CLOCK: variants seen among roughly 807,000 people sequenced by gnomAD.
CLOCK encodes the protein clock circadian regulator.
CLOCK carries 43 observed loss-of-function variants against 118.4 expected under a neutral mutation model. That is an observed-to-expected ratio of 0.36 (90% CI 0.28 to 0.47). The LOEUF (loss-of-function observed/expected upper bound fraction) is 0.47. Among genes scored for constraint, CLOCK ranks in the 20% least tolerant of loss-of-function variants. The pLI, the probability that CLOCK is intolerant of heterozygous loss-of-function variation, is 1.00. For synonymous variants in CLOCK, 326 were observed against 339.2 expected, an observed-to-expected ratio of 0.96 and a Z score of 0.43; for missense variants, 846 against 999.9, an observed-to-expected ratio of 0.85 and a Z score of 2.08.
chr4:55,528,550 A>C (rs564494484), intron 1 of CLOCK, among the ~76,000 whole-genome samples: 50 of 152,186 alleles, frequency 3.3e-4, no homozygotes, highest in Non-Finnish European at 5.0e-4. Context: ...AAAAGAATAA[A>C]TCTATAAGAC....
intron 21 of CLOCK, among the ~76,000 whole-genome samples, chr4:55,440,318 CCT>C (rs1723255090): frequency 6.6e-6 from 1 of 152,018 alleles, no homozygotes; most frequent in South Asian, 2.1e-4. Context: ...TTAATTTTTC[CCT>C]CTTTCCCTGC....
intron 1 of CLOCK, among the ~76,000 whole-genome samples, chr4:55,537,010 G>A (rs973136247): frequency 9.2e-5 from 14 of 151,840 alleles, no homozygotes; most frequent in African/African-American, 2.2e-4. Flanking sequence ...AAATAAATCC[G>A]AATAAATTTA....
At position 55,517,850 on chromosome 4, in the gene CLOCK, T is replaced by C. The variant is rs150876987; in HGVS notation, c.-289-7785A>G. On this transcript the variant is annotated intron_variant, in intron 1 of 22. Transcript: ENST00000513440. ...CATACATTGCTGGTGGGAGTATAAA[T>C]TGATATAAACTTTATAGAGAACATT... 2.4e-4 allele frequency among the ~76,000 whole-genome samples: 36 copies of C among 152,302 alleles called. No individual in the cohort carries two copies. In the East Asian group the frequency reaches 4.4e-3, roughly 19 times the overall value.
intron 3 of CLOCK, among the ~76,000 whole-genome samples, chr4:55,484,285 G>T (rs2109919533): frequency 6.6e-6 from 1 of 152,126 alleles, no homozygotes; most frequent in African/African-American, 2.4e-5. Flanking sequence ...TGAAATCCTG[G>T]CCTCAAGCAA....
At chr4:55,504,459 C>A (rs1728668146) in intron 2 of CLOCK, among the ~76,000 whole-genome samples, 1 of 151,944 alleles carries the variant, frequency 6.6e-6, no homozygotes, top group Admixed American at 6.6e-5. Context: ...AGTAAATGCT[C>A]AAAATTGTAT....
chr4:55,500,788 T>C (rs1728382525), intron 2 of CLOCK, among the ~76,000 whole-genome samples: 1 of 152,186 alleles, frequency 6.6e-6, no homozygotes, highest in African/African-American at 2.4e-5. Flanking sequence ...ATTATTTCAT[T>C]AGGAGTATGC....
chr4:55,492,801 C>T (rs969792428), intron 2 of CLOCK, among the ~76,000 whole-genome samples: 1 of 150,708 alleles, frequency 6.6e-6, no homozygotes, highest in Non-Finnish European at 1.5e-5. Flanking sequence ...GCCGAGATAG[C>T]GCCACTGCAC....
intron 8 of CLOCK, among the ~76,000 whole-genome samples, chr4:55,467,037 G>A (rs1725782698): frequency 1.3e-5 from 2 of 152,078 alleles, no homozygotes; most frequent in Non-Finnish European, 2.9e-5. Context: ...TGGGTATAGT[G>A]CACATGGGAA....
In CLOCK at chr4:55,438,506, A is replaced by T; in HGVS notation, c.2137T>A (p.Leu713Ile). The change falls in exon 22 of 23, where the codon TTA (leucine) becomes ATA (isoleucine). Residue 713 changes from leucine to isoleucine, a missense_variant. By Grantham distance (5) the Leu-to-Ile change is conservative. Coordinates refer to ENST00000513440, the MANE Select transcript of CLOCK (RefSeq NM_004898.4). Reference protein sequence around the residue: ...FSQGQQLVTKLVTAPVACGAV... With the variant: ...FSQGQQLVTKIVTAPVACGAV... The stretch of plus-strand genomic sequence containing the variant: ...CCACAAGCTACAGGAGCAGTCACTA[A>T]TTTGGTCACAAGTTGTTGACCTTGA... 6.2e-7 allele frequency: 1 copy of T among 1,613,748 alleles called. No homozygotes were observed. The highest frequency in any genetic ancestry group is 1.1e-5 in the South Asian group (1 of 91,068).
chr4:55,539,962 A>C (rs1731154959), intron 1 of CLOCK, among the ~76,000 whole-genome samples: 1 of 152,062 alleles, frequency 6.6e-6, no homozygotes, highest in African/African-American at 2.4e-5. Flanking sequence ...ATAATCAAGA[A>C]GATTAACAAC....
chr4:55,450,361 T>C (rs1271656848), intron 15 of CLOCK, 129 bp from the exon 16 acceptor site: 14 of 989,572 alleles, frequency 1.4e-5, no homozygotes, highest in South Asian at 8.1e-5. Context: ...TGTATGTACA[T>C]ACACATGTAA....
chr4:55,477,141 G>A (rs894468936), intron 6 of CLOCK, among the ~76,000 whole-genome samples: 3 of 151,816 alleles, frequency 2.0e-5, no homozygotes, highest in Admixed American at 1.3e-4. Context: ...GCCTATTTTA[G>A]GATGATACAT....
chr4:55,428,173 A>G lies in CLOCK; in HGVS notation c.*7242T>C, dbSNP rs1345773876. ...TGACAAGAGTATGGGAAAGAGCAGA[A>G]TAATAGTACACGCAGTTTTAAAAGC... On this transcript the variant is annotated 3_prime_UTR_variant, in exon 23 of 23. Transcript: ENST00000513440. 1.8e-4 allele frequency: 28 copies of G among 152,166 alleles called. No homozygotes were observed. The highest frequency in any genetic ancestry group is 1.8e-3 in the Admixed American group (28 of 15,272). The allele number at this position is 152,166 out of a possible 1,614,324, so 9.4% of individuals were successfully genotyped here.
intron 16 of CLOCK, 83 bp from the exon 17 acceptor site, chr4:55,449,579 A>C (rs1724243048): frequency 8.4e-7 from 1 of 1,192,568 alleles, no homozygotes; most frequent in South Asian, 1.3e-5. Flanking sequence ...ATTTCAGTTA[A>C]TAAAAATGGC....
intron 7 of CLOCK, among the ~76,000 whole-genome samples, chr4:55,473,744 G>A (rs1304429915): frequency 2.0e-5 from 3 of 151,984 alleles, no homozygotes; most frequent in Non-Finnish European, 4.4e-5. Context: ...AATAGTATGT[G>A]TTCACTTTGT....
At chr4:55,448,980 A>G (rs1338132532) in intron 17 of CLOCK, 112 bp from the exon 18 acceptor site, 8 of 868,288 alleles carry the variant, frequency 9.2e-6, no homozygotes, top group Admixed American at 2.0e-5. Context: ...TTTGCCTCAT[A>G]CTTTTGTTAG....
At chr4:55,488,814 T>C (rs1241035253) in intron 3 of CLOCK, among the ~76,000 whole-genome samples, 2 of 152,122 alleles carry the variant, frequency 1.3e-5, no homozygotes, top group East Asian at 3.9e-4. Context: ...CAGCTCACTG[T>C]AGCGTCAACC....
At position 55,454,948 on chromosome 4, in the gene CLOCK, T is replaced by C. The variant is rs1198970222; in HGVS notation, c.982+949A>G. Among the ~76,000 whole-genome samples, 8 of 142,798 alleles carry C rather than the reference T, an allele frequency of 5.6e-5. No individual in the cohort carries two copies. The East Asian group carries it at 6.4e-4, about 11-fold the overall frequency. The allele number at this position is 142,798 out of a possible 152,430, so 93.7% of individuals were successfully genotyped here. A position where few individuals can be genotyped will look rare whatever the true frequency, so the allele number is the denominator to read the frequency against. ...TGTCCAAAGTTACCCAGCTAGTTAA[T>C]AGAGGTATCAGCTCTTTAGACAACA... On this transcript the variant is annotated intron_variant, in intron 13 of 22. Transcript: ENST00000513440.
At chr4:55,520,952 C>T (rs931551324) in intron 1 of CLOCK, among the ~76,000 whole-genome samples, 2 of 152,184 alleles carry the variant, frequency 1.3e-5, no homozygotes, top group Non-Finnish European at 2.9e-5. Flanking sequence ...CCCCAAGGTT[C>T]AGCCTTATCT....
Sources: gnomAD v4.1 joint callset for allele counts (sites outside exome capture counted in the v4.1 genomes callset) on GRCh38, gnomAD v4.1.1 for gene constraint, MANE v1.5 for transcripts, NCBI Gene and HGNC (gene_info 2026-07-23, HGNC 2026-07-21) for gene names.